The following GRIK2 variants were observed in gnomAD, a reference collection of about 807,000 sequenced individuals.
GRIK2 encodes the protein glutamate receptor ionotropic, kainate 2.
A neutral mutation model predicts 100.3 loss-of-function variants in GRIK2; 32 were observed. That is an observed-to-expected ratio of 0.32 (90% CI 0.24 to 0.43). GRIK2 has a LOEUF of 0.43. Ranked by LOEUF, GRIK2 falls within the 20% of genes least tolerant of loss-of-function variation. The pLI, the probability that GRIK2 is intolerant of heterozygous loss-of-function variation, is 1.00. For missense variants in GRIK2, 843 were observed against 1,114.9 expected, an observed-to-expected ratio of 0.76 and a Z score of 3.47; for synonymous variants, 417 against 389.4, an observed-to-expected ratio of 1.07 and a Z score of -0.83.
intron 5 of GRIK2, among the ~76,000 whole-genome samples, chr6:101,680,688 T>TA (rs1034565623): frequency 5.9e-5 from 9 of 151,904 alleles, no homozygotes; most frequent in Admixed American, 1.3e-4. Context: ...GTTGATAAAG[T>TA]AAAAAAAATT....
chr6:101,785,916 G>C (rs993239281), intron 7 of GRIK2, among the ~76,000 whole-genome samples: 1 of 151,926 alleles, frequency 6.6e-6, no homozygotes, highest in East Asian at 1.9e-4. Flanking sequence ...TGGGTAGTAT[G>C]GCCATTTTTA....
chr6:101,722,990 T>C (rs371578419), intron 7 of GRIK2, among the ~76,000 whole-genome samples: 7 of 152,036 alleles, frequency 4.6e-5, no homozygotes, highest in African/African-American at 1.7e-4. Context: ...ACATCATATT[T>C]AGAAATTGCA....
chr6:101,939,104 A>G (rs1206297838), intron 14 of GRIK2, among the ~76,000 whole-genome samples: 1 of 152,110 alleles, frequency 6.6e-6, no homozygotes, highest in East Asian at 1.9e-4. Context: ...TTACAAAAAC[A>G]ATTTAATAAA....
chr6:101,625,159 G>T (rs1357211121), intron 3 of GRIK2, among the ~76,000 whole-genome samples: 2 of 152,008 alleles, frequency 1.3e-5, no homozygotes, highest in African/African-American at 4.8e-5. Context: ...GGATCACGAG[G>T]TCAGGAGATC....
intron 2 of GRIK2, among the ~76,000 whole-genome samples, chr6:101,604,841 C>A (rs76076219): frequency 6.6e-6 from 1 of 151,876 alleles, no homozygotes; most frequent in Non-Finnish European, 1.5e-5. Flanking sequence ...TGACTAGCTT[C>A]CCTTTTTAGG....
intron 7 of GRIK2, among the ~76,000 whole-genome samples, chr6:101,736,417 A>C (rs559367968): frequency 2.0e-5 from 3 of 152,152 alleles, no homozygotes; most frequent in Non-Finnish European, 4.4e-5. Flanking sequence ...CTGCTTGGGC[A>C]TCCAGGTGTT....
chr6:101,413,650 A>C (rs1188740698), intron 2 of GRIK2, among the ~76,000 whole-genome samples: 1 of 152,080 alleles, frequency 6.6e-6, no homozygotes, highest in African/African-American at 2.4e-5. Context: ...TATATGTTTC[A>C]GTTTCATTCT....
At chr6:101,503,703 G>C (rs949335310) in intron 2 of GRIK2, among the ~76,000 whole-genome samples, 2 of 152,074 alleles carry the variant, frequency 1.3e-5, no homozygotes, top group African/African-American at 4.8e-5. Context: ...GAGTGTTTCT[G>C]TCTTCTCTTT....
intron 16 of GRIK2, among the ~76,000 whole-genome samples, chr6:102,064,413 C>CCTTTCTTTCTTT (rs3029035): frequency 6.4e-4 from 91 of 141,134 alleles, no homozygotes; most frequent in Non-Finnish European, 8.8e-4. Flanking sequence ...CTCCCTCCCT[C>CCTTTCTTTCTTT]CTTTCTTTCT....
intron 7 of GRIK2, among the ~76,000 whole-genome samples, chr6:101,695,673 C>T (rs1439361733): frequency 6.6e-6 from 1 of 151,980 alleles, no homozygotes; most frequent in Non-Finnish European, 1.5e-5. Flanking sequence ...TGACTTATGA[C>T]AGGATTGCAT....
In GRIK2 at chr6:101,996,040, G is replaced by A. The variant is rs74810242; in HGVS notation, c.2086-39301G>A. Reference sequence around the variant, plus strand: ...CATGTGACTGGACTAAAAATCCACCGTGAGCTTGCTGAGTAAATTGTTTCA... The same window carrying A: ...CATGTGACTGGACTAAAAATCCACCATGAGCTTGCTGAGTAAATTGTTTCA... On this transcript the variant is annotated intron_variant, in intron 14 of 16. Transcript: ENST00000369134. Among the ~76,000 whole-genome samples, 845 of 151,986 alleles carry A rather than the reference G, an allele frequency of 5.6e-3. 8 individuals are homozygous for A. Among genetic ancestry groups the A allele is most frequent in the African/African-American group, 0.019 (805 of 41,484 alleles).
At chr6:101,432,287 T>C (rs1327257279) in intron 2 of GRIK2, among the ~76,000 whole-genome samples, 2 of 152,210 alleles carry the variant, frequency 1.3e-5, no homozygotes, top group African/African-American at 4.8e-5. Context: ...ATATTTACTG[T>C]AACCTTATGC....
chr6:101,594,086 T>C (rs2128307665), intron 2 of GRIK2, among the ~76,000 whole-genome samples: 1 of 151,832 alleles, frequency 6.6e-6, no homozygotes, highest in South Asian at 2.1e-4. Context: ...AATAAGTGAG[T>C]TTATTAATTA....
At chr6:101,488,878 C>T (rs1772962897) in intron 2 of GRIK2, among the ~76,000 whole-genome samples, 1 of 145,488 alleles carries the variant, frequency 6.9e-6, no homozygotes, top group African/African-American at 2.6e-5. Flanking sequence ...GTAAATAAAA[C>T]TATTGGAGTT....
intron 2 of GRIK2, among the ~76,000 whole-genome samples, chr6:101,556,383 G>GGAGTGCAGTGGCGC (rs1776753751): frequency 9.0e-6 from 1 of 111,680 alleles, no homozygotes; most frequent in Non-Finnish European, 1.8e-5. Context: ...CGCCCAGGCT[G>GGAGTGCAGTGGCGC]GAGTGCAGTG....
At chr6:101,721,012 A>G (rs1222451718) in intron 7 of GRIK2, among the ~76,000 whole-genome samples, 2 of 152,082 alleles carry the variant, frequency 1.3e-5, no homozygotes, top group Non-Finnish European at 2.9e-5. Context: ...GATTAAGCAT[A>G]GCAACACTGA....
chr6:101,557,129 CTAATATTTGAAAATAATAAAAACTGATTA>C (rs1421843930), intron 2 of GRIK2, among the ~76,000 whole-genome samples: 2 of 151,998 alleles, frequency 1.3e-5, no homozygotes, highest in Non-Finnish European at 2.9e-5. Context: ...TGAATATAGT[CTAATATTTGAAAATAATAAAAACTGATTA>C]TAATAAACAT....
chr6:101,735,738 A>C (rs916720989), intron 7 of GRIK2, among the ~76,000 whole-genome samples: 2 of 152,164 alleles, frequency 1.3e-5, no homozygotes, highest in African/African-American at 4.8e-5. Context: ...CACAGAGCCA[A>C]ACCATATCAT....
At chr6:101,637,385 C>G (rs1019975538) in intron 4 of GRIK2, among the ~76,000 whole-genome samples, 6 of 152,152 alleles carry the variant, frequency 3.9e-5, no homozygotes, top group Non-Finnish European at 5.9e-5. Context: ...TTGCTTTTTA[C>G]TCCTGAATTT....
Sources: allele counts gnomAD v4.1 joint callset (sites outside exome capture counted in the v4.1 genomes callset), GRCh38; gene constraint gnomAD v4.1.1; transcripts MANE v1.5; gene names NCBI Gene and HGNC (gene_info 2026-07-23, HGNC 2026-07-21).